Variants in C1QTNF7 observed in about 807,000 individuals in gnomAD.
C1QTNF7 encodes the protein complement C1q tumor necrosis factor-related protein 7.
A neutral mutation model predicts 19.6 loss-of-function variants in C1QTNF7; 15 were observed. The ratio of observed to expected loss-of-function variants is 0.76; its 90% CI spans 0.51 to 1.18. C1QTNF7 has a LOEUF of 1.18. C1QTNF7 is among the 50% of genes most tolerant of loss of function. The pLI, the probability that C1QTNF7 is intolerant of heterozygous loss-of-function variation, is 0.00. For synonymous variants in C1QTNF7, 142 were observed against 137.5 expected (o/e 1.03, Z -0.23); for missense variants, 324 against 359.7 (o/e 0.90, Z 0.80).
intron 1 of C1QTNF7, among the ~76,000 whole-genome samples, chr4:15,380,520 C>G (rs904081424): frequency 6.6e-6 from 1 of 152,224 alleles, no homozygotes; most frequent in African/African-American, 2.4e-5. Context: ...AGAAGGGAAG[C>G]CTTCCTCCAA....
intron 1 of C1QTNF7, among the ~76,000 whole-genome samples, chr4:15,376,115 A>C (rs1717928877): frequency 6.6e-6 from 1 of 152,254 alleles, no homozygotes; most frequent in African/African-American, 2.4e-5. Context: ...TAATGTGCTG[A>C]AAGCAATAAA....
chr4:15,359,841 A>G (rs1717274242), intron 1 of C1QTNF7, among the ~76,000 whole-genome samples: 1 of 152,158 alleles, frequency 6.6e-6, no homozygotes, highest in African/African-American at 2.4e-5. Flanking sequence ...TCCCTTCTGA[A>G]GCATGGCCCT....
At chr4:15,372,332 G>C (rs1358431516) in intron 1 of C1QTNF7, among the ~76,000 whole-genome samples, 2 of 152,166 alleles carry the variant, frequency 1.3e-5, no homozygotes, top group Non-Finnish European at 2.9e-5. Flanking sequence ...AAAAGGAAGA[G>C]AAAGATCTCC....
chr4:15,442,309 G>C lies in C1QTNF7; in HGVS notation c.380G>C (p.Arg127Thr), dbSNP rs757110214. 1.5e-5 allele frequency: 24 copies of C among 1,614,162 alleles called. 1 individual carries two copies. The Middle Eastern group carries it at 2.1e-3, about 144-fold the overall frequency. The change falls in exon 3 of 3, where the codon AGA (arginine) becomes ACA (threonine). Residue 127 changes from arginine (R) to threonine (T), a missense_variant. Coordinates refer to ENST00000444304, the MANE Select transcript of C1QTNF7 (RefSeq NM_031911.5). The stretch of plus-strand genomic sequence containing the variant: ...GGTCCTCCTGGACCAAAGGGAGACA[G>C]AGGAGAACAAGGGGACCCGGGGCTG... ...PIGPPGPKGD[R>T]GEQGDPGLPG...
intron 1 of C1QTNF7, among the ~76,000 whole-genome samples, chr4:15,434,073 T>C (rs565320535): frequency 2.0e-5 from 3 of 152,272 alleles, no homozygotes; most frequent in East Asian, 1.9e-4. Flanking sequence ...TTAATTCCAG[T>C]TGAGCAATAG....
chr4:15,350,336 G>GAAGGA (rs1224998766), intron 1 of C1QTNF7, among the ~76,000 whole-genome samples: 3 of 62,140 alleles, frequency 4.8e-5, no homozygotes, highest in Non-Finnish European at 5.7e-5. Flanking sequence ...GGAAAGAAAG[G>GAAGGA]AGGGAGGGAG....
chr4:15,341,147 G>A (rs907853850), intron 1 of C1QTNF7, among the ~76,000 whole-genome samples: 1 of 152,156 alleles, frequency 6.6e-6, no homozygotes, highest in African/African-American at 2.4e-5. Flanking sequence ...ATTCCTTCAC[G>A]CACACAAGCG....
rs1712502311 is a variant in C1QTNF7, at chr4:15,435,731, T to C, written c.-8-5T>C. On this transcript the variant is annotated splice_region_variant and splice_polypyrimidine_tract_variant and intron_variant, in intron 1 of 2. Coordinates refer to ENST00000444304, the MANE Select transcript of C1QTNF7 (RefSeq NM_031911.5). ...TTCATTTACGTCTGTGTGTTTCTCT[T>C]CCAGAGCCAAAGATGTTTGTCTTGC... 1.2e-6 allele frequency: 2 copies of C among 1,614,112 alleles called. No homozygotes were observed. Among genetic ancestry groups the C allele is most frequent in the Non-Finnish European group, 1.7e-6 (2 of 1,179,970 alleles).
chr4:15,439,430 T>C (rs1291455966), intron 2 of C1QTNF7, among the ~76,000 whole-genome samples: 1 of 152,192 alleles, frequency 6.6e-6, no homozygotes, highest in Non-Finnish European at 1.5e-5. Flanking sequence ...GTTTCAAGGA[T>C]TGGGAAACTA....
rs1293654339 is a variant in C1QTNF7 at position 15,406,762 on chromosome 4, A to G, written c.14-28974A>G. 2.0e-5 allele frequency among the ~76,000 whole-genome samples: 3 copies of G among 152,196 alleles called. No homozygotes were observed. The East Asian group carries it at 5.8e-4, about 29-fold the overall frequency. On this transcript the variant is annotated intron_variant, in intron 1 of 2. Transcript: ENST00000295297. ...ATTTTACTATTTAAAAATTGATCAT[A>G]TATAGTAAGAGATAATAGGATACAC... is the stretch of plus-strand genomic sequence containing the variant.
At chr4:15,389,901 A>T (rs1718492890) in intron 1 of C1QTNF7, among the ~76,000 whole-genome samples, 1 of 152,186 alleles carries the variant, frequency 6.6e-6, no homozygotes, top group Non-Finnish European at 1.5e-5. Flanking sequence ...GTTATGGAGA[A>T]CTGTGCATCG....
intron 1 of C1QTNF7, among the ~76,000 whole-genome samples, chr4:15,349,119 C>T (rs929661065): frequency 6.6e-6 from 1 of 152,186 alleles, no homozygotes; most frequent in African/African-American, 2.4e-5. Flanking sequence ...TCTTCTTAAG[C>T]CTCTTGCCAC....
chr4:15,405,967 C>T (rs1297289909), intron 1 of C1QTNF7, among the ~76,000 whole-genome samples: 1 of 152,160 alleles, frequency 6.6e-6, no homozygotes, highest in Non-Finnish European at 1.5e-5. Flanking sequence ...ACTCACTGGT[C>T]ACAACTTTGC....
At chr4:15,379,907 T>G (rs758198791) in intron 1 of C1QTNF7, among the ~76,000 whole-genome samples, 2 of 152,170 alleles carry the variant, frequency 1.3e-5, no homozygotes, top group Non-Finnish European at 2.9e-5. Context: ...GGTGGGGACA[T>G]GTTGAGTCCA....
chr4:15,394,382 A>G (rs763162853), intron 1 of C1QTNF7, among the ~76,000 whole-genome samples: 25 of 152,276 alleles, frequency 1.6e-4, no homozygotes, highest in Non-Finnish European at 3.5e-4. Flanking sequence ...ACTTACAATC[A>G]GCTCATACTG....
At chr4:15,346,720 C>T (rs1387305360) in intron 1 of C1QTNF7, among the ~76,000 whole-genome samples, 1 of 152,222 alleles carries the variant, frequency 6.6e-6, no homozygotes, top group African/African-American at 2.4e-5. Flanking sequence ...CATTTCATCA[C>T]AGGTGTATCT....
intron 1 of C1QTNF7, among the ~76,000 whole-genome samples, chr4:15,429,060 A>G (rs575048088): frequency 1.3e-5 from 2 of 152,172 alleles, no homozygotes; most frequent in South Asian, 2.1e-4. Context: ...GAGCCCACAG[A>G]GTATCAATGT....
Position 15,442,208 on chromosome 4 carries a change from G to A in C1QTNF7, c.279G>A (p.Glu93=). ...CTGGACCGCTAGGTCTTGCCGGTGA[G>A]AAAGGGGACCAAGGAGAGACTGGGA... ...GKTGPLGLAG[E]KGDQGETGKK... Residue 93 remains glutamate (E), a synonymous_variant, in exon 3 of 3, where the codon GAG becomes GAA. Transcript: ENST00000444304. The A allele has an allele frequency of 6.2e-7, 1 of 1,613,432 alleles. No homozygotes were observed. The highest frequency in any genetic ancestry group is 1.1e-5 in the South Asian group (1 of 90,950).
chr4:15,438,393 G>C (rs1163667838), intron 2 of C1QTNF7, among the ~76,000 whole-genome samples: 1 of 152,150 alleles, frequency 6.6e-6, no homozygotes, highest in Non-Finnish European at 1.5e-5. Flanking sequence ...CAACCTGGCT[G>C]GGAGTGCCTG....
Sources: gnomAD v4.1 joint callset for allele counts (sites outside exome capture counted in the v4.1 genomes callset) on GRCh38, gnomAD v4.1.1 for gene constraint, MANE v1.5 for transcripts, NCBI Gene and HGNC (gene_info 2026-07-23, HGNC 2026-07-21) for gene names.